The following MGAT4C variants were observed in gnomAD, a reference collection of about 807,000 sequenced individuals.
MGAT4C encodes alpha-1,3-mannosyl-glycoprotein 4-beta-N-acetylglucosaminyltransferase C.
Under a neutral mutation model 40.1 loss-of-function variants are expected in MGAT4C, and 19 were observed. The observed-to-expected ratio is 0.47, with a 90% CI of 0.33 to 0.70. The LOEUF (loss-of-function observed/expected upper bound fraction) is 0.70. Ranked by LOEUF, MGAT4C falls within the 30% of genes least tolerant of loss-of-function variation. The pLI is 0.02. For synonymous variants in MGAT4C, 181 were observed against 187.1 expected, an observed-to-expected ratio of 0.97 and a Z score of 0.27; for missense variants, 491 against 563.2, an observed-to-expected ratio of 0.87 and a Z score of 1.30.
intron 1 of MGAT4C, among the ~76,000 whole-genome samples, chr12:86,825,436 CAG>C (rs1306924318): frequency 6.0e-5 from 9 of 150,686 alleles, no homozygotes; most frequent in African/African-American, 2.2e-4. Context: ...CATAAAGAAG[CAG>C]AGTTTACTGT....
chr12:86,053,464 A>C (rs1592791318), intron 1 of MGAT4C, among the ~76,000 whole-genome samples: 1 of 151,736 alleles, frequency 6.6e-6, no homozygotes. Context: ...GTGTTCTAAG[A>C]CCCCCTTTCC....
chr12:86,063,818 T>C (rs7299005), intron 1 of MGAT4C, among the ~76,000 whole-genome samples: 35,254 of 152,138 alleles, frequency 0.23, 4,953 homozygotes, highest in African/African-American at 0.4. Context: ...CATTACATAA[T>C]GGTAAAGTTA....
At chr12:86,751,295 T>A (rs1951228424) in intron 1 of MGAT4C, among the ~76,000 whole-genome samples, 2 of 152,032 alleles carry the variant, frequency 1.3e-5, no homozygotes, top group African/African-American at 4.8e-5. Flanking sequence ...CATGTGGTCG[T>A]AGAAATTTTC....
chr12:86,328,667 T>A (rs1447510277), intron 4 of MGAT4C, among the ~76,000 whole-genome samples: 1 of 152,072 alleles, frequency 6.6e-6, no homozygotes, highest in African/African-American at 2.4e-5. Context: ...ATAAGACAAA[T>A]TAAATATAAA....
At chr12:86,702,903 GA>G (rs1950388592) in intron 2 of MGAT4C, among the ~76,000 whole-genome samples, 2 of 152,292 alleles carry the variant, frequency 1.3e-5, no homozygotes, top group African/African-American at 4.8e-5. Context: ...AAAGTATATT[GA>G]AAACCTTCTA....
chr12:86,394,943 A>G (rs374724905), intron 3 of MGAT4C, among the ~76,000 whole-genome samples: 12 of 152,082 alleles, frequency 7.9e-5, no homozygotes, highest in East Asian at 5.8e-4. Context: ...GGAATATTAC[A>G]TGTAACTTGT....
chr12:86,638,745 T>C (rs1343694268), intron 2 of MGAT4C, among the ~76,000 whole-genome samples: 1 of 151,792 alleles, frequency 6.6e-6, no homozygotes, highest in Non-Finnish European at 1.5e-5. Context: ...CAATATTTTA[T>C]TATAAATAAA....
At chr12:86,186,854 A>T (rs1888816275) in intron 1 of MGAT4C, among the ~76,000 whole-genome samples, 1 of 152,138 alleles carries the variant, frequency 6.6e-6, no homozygotes, top group African/African-American at 2.4e-5. Flanking sequence ...CTTCCCTCAA[A>T]TTAATGAACA....
intron 1 of MGAT4C, among the ~76,000 whole-genome samples, chr12:86,175,681 GTGGTTCATGCC>G (rs1293810492): frequency 6.6e-6 from 1 of 151,596 alleles, no homozygotes; most frequent in Non-Finnish European, 1.5e-5. Flanking sequence ...GCTGGGTGCG[GTGGTTCATGCC>G]TGTAATCCCA....
intron 2 of MGAT4C, among the ~76,000 whole-genome samples, chr12:86,584,082 A>G (rs939581662): frequency 1.3e-5 from 2 of 150,992 alleles, no homozygotes; most frequent in Non-Finnish European, 3.0e-5. Flanking sequence ...AATATTTTAT[A>G]AAATTTTTAT....
intron 4 of MGAT4C, among the ~76,000 whole-genome samples, chr12:86,321,582 C>T (rs1432191519): frequency 1.3e-5 from 2 of 152,046 alleles, no homozygotes; most frequent in Non-Finnish European, 2.9e-5. Flanking sequence ...CTGAAAATGG[C>T]CGCCAGAAAA....
chr12:86,210,814 C>T (rs1055294916), intron 1 of MGAT4C, among the ~76,000 whole-genome samples: 3 of 152,234 alleles, frequency 2.0e-5, no homozygotes, highest in Non-Finnish European at 2.9e-5. Context: ...TACTTTGTCT[C>T]TCTCAGGATA....
intron 1 of MGAT4C, among the ~76,000 whole-genome samples, chr12:86,218,045 G>A (rs1038091076): frequency 6.6e-6 from 1 of 151,802 alleles, no homozygotes; most frequent in African/African-American, 2.4e-5. Context: ...CTGCTAAAAC[G>A]AGAACTTTTT....
At chr12:86,765,555 A>C (rs552060998) in intron 1 of MGAT4C, among the ~76,000 whole-genome samples, 1 of 152,194 alleles carries the variant, frequency 6.6e-6, no homozygotes, top group East Asian at 1.9e-4. Context: ...ACTCCAAGAC[A>C]CATAATTGTC....
intron 3 of MGAT4C, among the ~76,000 whole-genome samples, chr12:86,400,923 T>C (rs1278656052): frequency 6.6e-6 from 1 of 152,176 alleles, no homozygotes; most frequent in African/African-American, 2.4e-5. Context: ...AGTGAGTATC[T>C]AGCATATGTG....
At chr12:86,271,431 CACTAA>C (rs1221302814) in intron 4 of MGAT4C, among the ~76,000 whole-genome samples, 5 of 152,098 alleles carry the variant, frequency 3.3e-5, no homozygotes, top group African/African-American at 1.2e-4. Flanking sequence ...CAGTCAATAT[CACTAA>C]TCATTACTGA....
intron 2 of MGAT4C, among the ~76,000 whole-genome samples, chr12:86,046,948 C>A (rs543574440): frequency 3.4e-4 from 51 of 152,232 alleles, no homozygotes; most frequent in African/African-American, 1.2e-3. Flanking sequence ...TTAAAAAATG[C>A]AGTTATTTTT....
chr12:86,426,084 T>C (rs1266034841), intron 3 of MGAT4C, among the ~76,000 whole-genome samples: 3 of 152,220 alleles, frequency 2.0e-5, no homozygotes, highest in Non-Finnish European at 4.4e-5. Flanking sequence ...GTATTTCACT[T>C]AATAACTGTA....
intron 2 of MGAT4C, among the ~76,000 whole-genome samples, chr12:86,692,796 T>C (rs944140552): frequency 2.0e-5 from 3 of 152,154 alleles, no homozygotes; most frequent in Non-Finnish European, 4.4e-5. Flanking sequence ...GAGAAGAGGA[T>C]AGTCTTTTTG....
Sources: allele counts gnomAD v4.1 joint callset (sites outside exome capture counted in the v4.1 genomes callset), GRCh38; gene constraint gnomAD v4.1.1; transcripts MANE v1.5; gene names NCBI Gene and HGNC (gene_info 2026-07-23, HGNC 2026-07-21).